ASB5: variants seen among roughly 807,000 people sequenced by gnomAD.
The protein encoded by ASB5 is ankyrin repeat and SOCS box protein 5.
In ASB5, 45 loss-of-function variants were observed where a neutral mutation model predicts 42.1. The observed-to-expected ratio is 1.07, with a 90% CI of 0.84 to 1.37. The LOEUF (loss-of-function observed/expected upper bound fraction) is 1.37. ASB5 is among the 40% of genes most tolerant of loss of function. The probability of loss-of-function intolerance (pLI) is 0.00; values close to 1 mark genes in which losing one functional copy is unlikely to be tolerated. For missense variants in ASB5, 402 were observed against 399.8 expected (o/e 1.01, Z -0.05); for synonymous variants, 147 against 150.6 (o/e 0.98, Z 0.18).
intron 1 of ASB5, among the ~76,000 whole-genome samples, chr4:176,262,333 C>T (rs1434488650): frequency 6.6e-6 from 1 of 152,102 alleles, no homozygotes; most frequent in Non-Finnish European, 1.5e-5. Flanking sequence ...CTTTTAACAA[C>T]AGAACTCTGA....
At chr4:176,216,742 C>A (rs1752980622) in intron 6 of ASB5, 76 bp downstream of exon 6, 12 of 1,274,704 alleles carry the variant, frequency 9.4e-6, no homozygotes, top group Admixed American at 2.5e-5. Context: ...TCCATGCCAA[C>A]AAAAACTCTC....
intron 1 of ASB5, among the ~76,000 whole-genome samples, chr4:176,228,065 G>A (rs149049663): frequency 0.015 from 2,270 of 152,258 alleles, 44 homozygotes; most frequent in Non-Finnish European, 0.02. Context: ...TAAATTGTAA[G>A]TAAACAAATT....
intron 1 of ASB5, among the ~76,000 whole-genome samples, chr4:176,231,288 G>T (rs1753536129): frequency 6.6e-6 from 1 of 151,600 alleles, no homozygotes; most frequent in African/African-American, 2.4e-5. Flanking sequence ...GTTCTGTTCG[G>T]CCATTTTAAG....
intron 1 of ASB5, among the ~76,000 whole-genome samples, chr4:176,256,729 G>A (rs1410365175): frequency 2.6e-5 from 4 of 151,902 alleles, no homozygotes; most frequent in East Asian, 1.9e-4. Flanking sequence ...GCTTGACCTC[G>A]GGAGTCTGAG....
rs1033865867 is a variant in ASB5, at chr4:176,246,532, C to T, written c.197-21191G>A. On this transcript the variant is annotated intron_variant, in intron 1 of 6. Coordinates refer to ENST00000296525, the MANE Select transcript of ASB5 (RefSeq NM_080874.4). ...GTTGCTTATTTAGTGAGTTCAGGTG[C>T]TGTGAACTGTTTCTCCAGATATTAA... is the stretch of plus-strand genomic sequence containing the variant. 3.3e-5 allele frequency among the ~76,000 whole-genome samples: 5 copies of T among 152,188 alleles called. No individual in the cohort carries two copies. In the South Asian group the frequency reaches 1.0e-3, roughly 31 times the overall value.
chr4:176,272,505 T>C (rs140984230), upstream of ASB5, among the ~76,000 whole-genome samples: 1 of 152,150 alleles, frequency 6.6e-6, no homozygotes, highest in Non-Finnish European at 1.5e-5. Context: ...GCTCCCTGGC[T>C]TTCCTCCTGC....
Position 176,215,564 on chromosome 4 carries a change from T to G in ASB5, c.*36A>C, listed in dbSNP as rs1485121046. The G allele has an allele frequency of 6.3e-7, 1 of 1,585,638 alleles. No homozygotes were observed. The highest frequency in any genetic ancestry group is 2.2e-5 in the East Asian group (1 of 44,534). On this transcript the variant is annotated 3_prime_UTR_variant, in exon 7 of 7. Transcript: ENST00000296525. ...TTCCTTAAGCAAAAGAAATAGAAAT[T>G]TTGATTTTCAAGGTATTTAGAATTA...
Position 176,215,440 on chromosome 4 carries a change from G to C in ASB5, c.*160C>G. 1.5e-6 allele frequency: 1 copy of C among 650,676 alleles called. No homozygotes were observed. Among genetic ancestry groups the C allele is most frequent in the East Asian group, 2.9e-5 (1 of 34,278 alleles). The allele number at this position is 650,676 out of a possible 1,614,324, so 40.3% of individuals were successfully genotyped here. On this transcript the variant is annotated 3_prime_UTR_variant, in exon 7 of 7. Transcript: ENST00000296525. ...AGACAGCATAAATGATAAAACAATA[G>C]TACTAATACACTTAAAATGAAAATT...
chr4:176,226,129 G>C (rs1753372731), intron 1 of ASB5, among the ~76,000 whole-genome samples: 1 of 152,214 alleles, frequency 6.6e-6, no homozygotes, highest in Non-Finnish European at 1.5e-5. Flanking sequence ...GAGTGTGTCT[G>C]TGAGGGTGTT....
At chr4:176,265,962 A>G (rs931384339) in intron 1 of ASB5, among the ~76,000 whole-genome samples, 9 of 152,312 alleles carry the variant, frequency 5.9e-5, no homozygotes, top group Non-Finnish European at 8.8e-5. Flanking sequence ...AGATGAAAAG[A>G]TAGATTTGTA....
chr4:176,229,873 C>T lies in ASB5; in HGVS notation c.197-4532G>A, dbSNP rs527813358. Reference sequence around the variant, plus strand: ...CATTTCATGAACTGAGCTCTGCTCGCCTGCAAAGGGCCTTGCAATCTCTCA... The same window carrying T: ...CATTTCATGAACTGAGCTCTGCTCGTCTGCAAAGGGCCTTGCAATCTCTCA... On this transcript the variant is annotated intron_variant, in intron 1 of 6. Transcript: ENST00000296525. 2.0e-5 allele frequency among the ~76,000 whole-genome samples: 3 copies of T among 152,298 alleles called. No individual in the cohort carries two copies. In the South Asian group the frequency reaches 6.2e-4, roughly 32 times the overall value.
Position 176,215,506 on chromosome 4 carries a change from T to A in ASB5, c.*94A>T, listed in dbSNP as rs1254408466. On this transcript the variant is annotated 3_prime_UTR_variant, in exon 7 of 7. Transcript: ENST00000296525. The stretch of plus-strand genomic sequence containing the variant: ...CCCTGGGTGATCTCACACTCACTTT[T>A]ATCCTATCTTTAGCATATTTTTATA... 4.5e-6 allele frequency: 6 copies of A among 1,331,728 alleles called. No individual in the cohort carries two copies. Among genetic ancestry groups the A allele is most frequent in the Non-Finnish European group, 6.1e-6 (6 of 975,936 alleles). The allele number at this position is 1,331,728 out of a possible 1,614,324, so 82.5% of individuals were successfully genotyped here.
At chr4:176,257,107 G>C (rs1383287550) in intron 1 of ASB5, among the ~76,000 whole-genome samples, 1 of 152,140 alleles carries the variant, frequency 6.6e-6, no homozygotes, top group African/African-American at 2.4e-5. Flanking sequence ...AGGACAAGAG[G>C]CTTTTAAGAA....
At chr4:176,240,894 A>G (rs1374938417) in intron 1 of ASB5, among the ~76,000 whole-genome samples, 1 of 152,184 alleles carries the variant, frequency 6.6e-6, no homozygotes, top group Non-Finnish European at 1.5e-5. Context: ...CATCAGGATA[A>G]ATATATTCCT....
chr4:176,223,486 G>T (rs542923532), intron 2 of ASB5, among the ~76,000 whole-genome samples: 59 of 152,272 alleles, frequency 3.9e-4, no homozygotes, highest in Non-Finnish European at 7.2e-4. Flanking sequence ...TAGGATGTGA[G>T]ATTGTTTGCC....
chr4:176,252,185 G>A (rs192089866), intron 1 of ASB5, among the ~76,000 whole-genome samples: 7 of 152,064 alleles, frequency 4.6e-5, no homozygotes, highest in African/African-American at 7.2e-5. Context: ...AAAAGAAATC[G>A]GGAAAAGGGA....
At chr4:176,255,549 TC>T (rs1754139039) in intron 1 of ASB5, among the ~76,000 whole-genome samples, 1 of 152,188 alleles carries the variant, frequency 6.6e-6, no homozygotes, top group Non-Finnish European at 1.5e-5. Flanking sequence ...CAAAATCATG[TC>T]CTTTGCAGCA....
At chr4:176,249,916 T>A (rs2877939) in intron 1 of ASB5, among the ~76,000 whole-genome samples, 11 of 150,758 alleles carry the variant, frequency 7.3e-5, no homozygotes, top group Non-Finnish European at 1.3e-4. Flanking sequence ...ACACAAAAAA[T>A]TAGCCGGGCG....
intron 1 of ASB5, among the ~76,000 whole-genome samples, chr4:176,267,999 T>C (rs1233391224): frequency 6.6e-6 from 1 of 152,200 alleles, no homozygotes; most frequent in Non-Finnish European, 1.5e-5. Flanking sequence ...TTAAATTGTG[T>C]GATAGTAAAT....
Sources: gnomAD v4.1 joint callset for allele counts (sites outside exome capture counted in the v4.1 genomes callset) on GRCh38, gnomAD v4.1.1 for gene constraint, MANE v1.5 for transcripts, NCBI Gene and HGNC (gene_info 2026-07-23, HGNC 2026-07-21) for gene names.